The following DPH6 variants were observed in gnomAD, a reference collection of about 807,000 sequenced individuals.
DPH6 encodes the protein diphthine--ammonia ligase.
A neutral mutation model predicts 38.2 loss-of-function variants in DPH6; 33 were observed. That is an observed-to-expected ratio of 0.86 (90% confidence interval 0.65 to 1.15). The LOEUF (loss-of-function observed/expected upper bound fraction) is 1.15. DPH6 is among the 50% of genes most tolerant of loss of function. The pLI, the probability that DPH6 is intolerant of heterozygous loss-of-function variation, is 0.00. For synonymous variants in DPH6, 108 were observed against 103.0 expected (o/e 1.05, Z -0.30); for missense variants, 325 against 320.0 (o/e 1.02, Z -0.12).
rs564632033 is a variant in DPH6, at chr15:35,227,003, CT to C, written n.201-6422del. 1.7e-3 allele frequency among the ~76,000 whole-genome samples: 262 copies of C among 152,112 alleles called. 1 individual carries two copies. Among genetic ancestry groups the C allele is most frequent in the Non-Finnish European group, 3.0e-3 (203 of 67,988 alleles). ...TTTCATTATGGTTTTCATCTTGTCA[CT>C]TGTTATAGGTCTGCTCAGGTTTTGG... is the stretch of plus-strand genomic sequence containing the variant. On this transcript the variant is annotated intron_variant and non_coding_transcript_variant, in intron 3 of 3. Coordinates refer to the DPH6 transcript ENST00000560386.
At chr15:35,372,253 A>G (rs2052722912) in intron 8 of DPH6, 50 bp from the exon 9 acceptor site, 2 of 1,375,770 alleles carry the variant, frequency 1.5e-6, no homozygotes, top group African/African-American at 1.5e-5. Context: ...ATATTTATTC[A>G]GTGTCAGTGA....
chr15:35,285,046 G>C (rs908378988), intron 3 of DPH6, among the ~76,000 whole-genome samples: 3 of 152,100 alleles, frequency 2.0e-5, no homozygotes, highest in Middle Eastern at 6.8e-3. Context: ...CTGGGCTCAA[G>C]TGATCCTCCC....
chr15:35,204,687 TA>T, the DPH6 span, among the ~76,000 whole-genome samples: 3 of 151,942 alleles, frequency 2.0e-5, no homozygotes, highest in East Asian at 5.8e-4. Context: ...ACTATAAATG[TA>T]ATCAAACTCC....
chr15:35,186,580 T>C, the DPH6 span, among the ~76,000 whole-genome samples: 1 of 152,250 alleles, frequency 6.6e-6, no homozygotes, highest in Non-Finnish European at 1.5e-5. Flanking sequence ...CCACCCTGCT[T>C]CTACCAGCTG....
At chr15:35,299,486 G>C (rs1260382213) in intron 3 of DPH6, 13 of 748,234 alleles carry the variant, frequency 1.7e-5, no homozygotes, top group African/African-American at 1.2e-4. Flanking sequence ...TCTGCCCATG[G>C]GCCGCGGTGG....
At chr15:35,323,385 G>T (rs1266288366) in intron 3 of DPH6, among the ~76,000 whole-genome samples, 2 of 152,072 alleles carry the variant, frequency 1.3e-5, no homozygotes, top group Admixed American at 1.3e-4. Flanking sequence ...TGCCATTTGG[G>T]GAAGGAGGGG....
At position 35,285,872 on chromosome 15, in the gene DPH6, G is replaced by GTTTTTT. The variant is rs67243158; in HGVS notation, n.201-65296_201-65291dup. Among the ~76,000 whole-genome samples the GTTTTTT allele has an allele frequency of 1.8e-3, 95 of 52,816 alleles. 16 individuals carry two copies. Among genetic ancestry groups the GTTTTTT allele is most frequent in the Middle Eastern group, 0.021 (1 of 48 alleles). 34.6% of individuals were successfully genotyped at this position (52,816 alleles called of 152,430 possible). On this transcript the variant is annotated intron_variant and non_coding_transcript_variant, in intron 3 of 3. Coordinates refer to the DPH6 transcript ENST00000560386. ...GACTCAATTATCATTTTATCTTTGA[G>GTTTTTT]TTTTTTTTTTTTTTTTTACCTGAGA...
At chr15:35,286,429 C>G (rs2140441558) in intron 3 of DPH6, among the ~76,000 whole-genome samples, 1 of 152,342 alleles carries the variant, frequency 6.6e-6, no homozygotes, top group Middle Eastern at 3.4e-3. Context: ...TCTCTGCTCA[C>G]TTCACTCTCC....
chr15:35,191,061 C>T, the DPH6 span, among the ~76,000 whole-genome samples: 6 of 152,150 alleles, frequency 3.9e-5, no homozygotes, highest in Admixed American at 2.0e-4. Context: ...ATTTTCTAAA[C>T]CCCAACAATC....
intron 6 of DPH6, among the ~76,000 whole-genome samples, chr15:35,403,823 T>G (rs1292609215): frequency 1.4e-5 from 2 of 138,490 alleles, no homozygotes; most frequent in Non-Finnish European, 3.2e-5. Flanking sequence ...CATTCATTCC[T>G]TTTTTTTTTT....
the DPH6 span, among the ~76,000 whole-genome samples, chr15:35,196,766 T>G: frequency 6.6e-6 from 1 of 152,160 alleles, no homozygotes; most frequent in African/African-American, 2.4e-5. Context: ...CATTGGCACA[T>G]AAGTATCCAC....
chr15:35,224,829 T>A (rs2051469275), intron 3 of DPH6, among the ~76,000 whole-genome samples: 1 of 152,164 alleles, frequency 6.6e-6, no homozygotes, highest in Non-Finnish European at 1.5e-5. Flanking sequence ...AAATTTATAT[T>A]TACAGAAAAG....
intron 3 of DPH6, among the ~76,000 whole-genome samples, chr15:35,281,926 CA>C (rs2140436806): frequency 6.6e-6 from 1 of 152,280 alleles, no homozygotes; most frequent in South Asian, 2.1e-4. Context: ...TCACTTAAAT[CA>C]ATTTCTTGTA....
chr15:35,282,861 G>C (rs2051908595), intron 3 of DPH6: 1 of 340,282 alleles, frequency 2.9e-6, no homozygotes, highest in Non-Finnish European at 6.1e-6. Context: ...GCCAGCTTAA[G>C]GTGGATGAAG....
downstream of DPH6, among the ~76,000 whole-genome samples, chr15:35,216,805 C>T (rs926343643): frequency 6.6e-6 from 1 of 152,088 alleles, no homozygotes; most frequent in African/African-American, 2.4e-5. Flanking sequence ...ATTGATCAAT[C>T]AAAAAACAAG....
intron 6 of DPH6, among the ~76,000 whole-genome samples, chr15:35,391,718 C>T (rs746718632): frequency 5.9e-5 from 9 of 152,158 alleles, no homozygotes; most frequent in Non-Finnish European, 7.3e-5. Context: ...GGGAGTGACC[C>T]GATTTTCCAG....
At chr15:35,290,160 T>A (rs370480626) in intron 3 of DPH6, among the ~76,000 whole-genome samples, 15 of 152,350 alleles carry the variant, frequency 9.8e-5, no homozygotes, top group Middle Eastern at 6.8e-3. Context: ...CTTAATGGAA[T>A]GTTGCATAAT....
intron 3 of DPH6, among the ~76,000 whole-genome samples, chr15:35,475,130 A>T (rs1352739811): frequency 6.6e-6 from 1 of 152,020 alleles, no homozygotes; most frequent in Non-Finnish European, 1.5e-5. Context: ...TCCTGGTTCC[A>T]GCTGATAAAC....
chr15:35,261,199 G>A (rs1196293575), intron 3 of DPH6, among the ~76,000 whole-genome samples: 1 of 152,166 alleles, frequency 6.6e-6, no homozygotes, highest in Non-Finnish European at 1.5e-5. Flanking sequence ...TTTATAGACA[G>A]TTTATCCTTC....
Sources: allele counts gnomAD v4.1 joint callset (sites outside exome capture counted in the v4.1 genomes callset), GRCh38; gene constraint gnomAD v4.1.1; transcripts MANE v1.5; gene names NCBI Gene and HGNC (gene_info 2026-07-23, HGNC 2026-07-21).